UBR3: variants seen among roughly 807,000 people sequenced by gnomAD.
UBR3 encodes E3 ubiquitin-protein ligase UBR3.
Under a neutral mutation model 243.2 loss-of-function variants are expected in UBR3, and 85 were observed. The observed-to-expected ratio is 0.35, with a 90% confidence interval of 0.29 to 0.42. The LOEUF (loss-of-function observed/expected upper bound fraction) is 0.42. Among genes scored for constraint, UBR3 ranks in the 10% least tolerant of loss-of-function variants. UBR3 has a pLI of 1.00. For synonymous variants in UBR3, 748 were observed against 799.8 expected (o/e 0.94, Z 1.09); for missense variants, 1,686 against 2,300.8 (o/e 0.73, Z 5.47).
chr2:170,017,775 G>A (rs1005008930), intron 30 of UBR3, among the ~76,000 whole-genome samples: 1 of 152,088 alleles, frequency 6.6e-6, no homozygotes, highest in Non-Finnish European at 1.5e-5. Flanking sequence ...ACGTGTCTGG[G>A]AAATTTTCCA....
intron 24 of UBR3, among the ~76,000 whole-genome samples, chr2:169,976,247 T>TTCTTCCTC (rs779825228): frequency 2.6e-5 from 4 of 152,132 alleles, no homozygotes; most frequent in Non-Finnish European, 4.4e-5. Flanking sequence ...CTTTGTTCCT[T>TTCTTCCTC]TCTTCCTCTC....
At chr2:169,883,986 C>T (rs1401513174) in intron 5 of UBR3, among the ~76,000 whole-genome samples, 4 of 151,970 alleles carry the variant, frequency 2.6e-5, no homozygotes, top group Non-Finnish European at 5.9e-5. Flanking sequence ...GCGCGTGCCA[C>T]CACACCCAGC....
chr2:170,030,092 A>T (rs1461645946), intron 31 of UBR3, among the ~76,000 whole-genome samples: 1 of 152,050 alleles, frequency 6.6e-6, no homozygotes, highest in Non-Finnish European at 1.5e-5. Flanking sequence ...TGGATTTTAT[A>T]TATATTTGAT....
rs2081780450 is a variant in UBR3, at chr2:169,827,559, G to A, written c.52G>A (p.Glu18Lys). Residue 18 changes from glutamate to lysine, a missense_variant, in exon 1 of 39, where the codon GAG becomes AAG. By Grantham distance (56) the Glu-to-Lys change is moderately conservative (BLOSUM62 1). Coordinates refer to ENST00000272793, the MANE Select transcript of UBR3 (RefSeq NM_172070.4). ...CGGGGGCCAGCAGCCGTCACAGCCCGAGCTGCCCGCGCCGGGGCTGGCCCT... is the reference window on the plus strand; with the variant it reads ...CGGGGGCCAGCAGCCGTCACAGCCCAAGCTGCCCGCGCCGGGGCTGGCCCT... ...AVGGQQPSQP[E>K]LPAPGLALDK... 1 of 1,235,666 alleles carries A rather than the reference G, an allele frequency of 8.1e-7. No individual in the cohort carries two copies. Among genetic ancestry groups the A allele is most frequent in the African/African-American group, 1.6e-5 (1 of 64,020 alleles). 76.5% of individuals were successfully genotyped at this position (1,235,666 alleles called of 1,614,324 possible).
chr2:169,896,117 A>G (rs2084578427), intron 7 of UBR3, among the ~76,000 whole-genome samples: 1 of 152,142 alleles, frequency 6.6e-6, no homozygotes, highest in South Asian at 2.1e-4. Context: ...GCCAAACCCC[A>G]TCTCTACTGA....
At chr2:170,058,463 T>G (rs901502423) in intron 33 of UBR3, among the ~76,000 whole-genome samples, 1 of 151,822 alleles carries the variant, frequency 6.6e-6, no homozygotes, top group African/African-American at 2.4e-5. Context: ...CTTTTCTTTT[T>G]TCTTTTTCTT....
chr2:170,004,663 C>G (rs532395934), intron 27 of UBR3, among the ~76,000 whole-genome samples: 1 of 152,108 alleles, frequency 6.6e-6, no homozygotes, highest in Non-Finnish European at 1.5e-5. Flanking sequence ...ATAATTTCAG[C>G]ACTTTGGGAG....
chr2:170,073,292 C>T, intron 35 of UBR3, 136 bp from the exon 36 acceptor site: 1 of 892,982 alleles, frequency 1.1e-6, no homozygotes, highest in Non-Finnish European at 1.7e-6. Flanking sequence ...TCTCTTACTC[C>T]CTTCACTTTT....
chr2:170,025,014 G>T (rs1416543552), intron 30 of UBR3, among the ~76,000 whole-genome samples: 1 of 152,092 alleles, frequency 6.6e-6, no homozygotes, highest in Admixed American at 6.6e-5. Flanking sequence ...CTGCTTCTTG[G>T]TAACTGAACC....
intron 1 of UBR3, among the ~76,000 whole-genome samples, chr2:169,850,868 A>G: frequency 6.6e-6 from 1 of 152,074 alleles, no homozygotes; most frequent in East Asian, 1.9e-4. Context: ...GTTGAATTTT[A>G]AAGGGCTAAG....
intron 1 of UBR3, among the ~76,000 whole-genome samples, chr2:169,830,713 T>C (rs1231799536): frequency 6.6e-6 from 1 of 152,156 alleles, no homozygotes; most frequent in African/African-American, 2.4e-5. Flanking sequence ...TTTTTAAACT[T>C]TTTTTGTTTG....
At chr2:170,078,263 C>A in intron 36 of UBR3, 1 of 413,048 alleles carries the variant, frequency 2.4e-6, no homozygotes. Flanking sequence ...ATGGCATTTA[C>A]AGTGTAATTC....
At chr2:169,863,843 G>A (rs1458730860) in intron 1 of UBR3, among the ~76,000 whole-genome samples, 1 of 152,012 alleles carries the variant, frequency 6.6e-6, no homozygotes, top group East Asian at 1.9e-4. Flanking sequence ...GGCGGAATTG[G>A]TACAATCTAA....
At chr2:169,937,954 G>T (rs1390731363) in intron 19 of UBR3, among the ~76,000 whole-genome samples, 1 of 152,152 alleles carries the variant, frequency 6.6e-6, no homozygotes, top group East Asian at 1.9e-4. Flanking sequence ...GAGAGACAAG[G>T]CCTAGGGACT....
Position 169,857,072 on chromosome 2 carries a change from T to TTTG in UBR3, c.546-15162_546-15161insGTT, listed in dbSNP as rs1194542846. On this transcript the variant is annotated intron_variant, in intron 1 of 38. Coordinates refer to ENST00000272793, the MANE Select transcript of UBR3 (RefSeq NM_172070.4). Reference sequence around the variant, plus strand: ...CAGCATAATTTTATTATGTTTTTTTTTTTTTTTTTTTTTTTTTTTGAGACG... The same window carrying TTTG: ...CAGCATAATTTTATTATGTTTTTTTTTTGTTTTTTTTTTTTTTTTTTTGAGACG... 1.6e-3 allele frequency among the ~76,000 whole-genome samples: 193 copies of TTTG among 120,278 alleles called. 6 individuals carry two copies. The highest frequency in any genetic ancestry group is 3.5e-3 in the African/African-American group (112 of 31,926). The allele number at this position is 120,278 out of a possible 152,430, so 78.9% of individuals were successfully genotyped here. A position where few individuals can be genotyped will look rare whatever the true frequency, so the allele number is the denominator to read the frequency against.
chr2:169,935,515 AT>A (rs2086292877), intron 19 of UBR3, among the ~76,000 whole-genome samples: 1 of 152,208 alleles, frequency 6.6e-6, no homozygotes, highest in Non-Finnish European at 1.5e-5. Context: ...GAGCTAGGCC[AT>A]TTCCAAAGAT....
At chr2:170,056,652 C>CT (rs1402366618) in intron 33 of UBR3, among the ~76,000 whole-genome samples, 3 of 152,078 alleles carry the variant, frequency 2.0e-5, no homozygotes, top group African/African-American at 4.8e-5. Flanking sequence ...GTCATTAAAA[C>CT]TTTTTTTGTT....
chr2:169,888,374 G>A (rs2084195217), intron 5 of UBR3, among the ~76,000 whole-genome samples: 2 of 151,790 alleles, frequency 1.3e-5, no homozygotes, highest in African/African-American at 4.8e-5. Context: ...CCTGACCTCA[G>A]GTGATCCACC....
At chr2:170,059,315 T>A (rs1263755580) in intron 33 of UBR3, among the ~76,000 whole-genome samples, 2 of 152,204 alleles carry the variant, frequency 1.3e-5, no homozygotes, top group Non-Finnish European at 2.9e-5. Flanking sequence ...ACTTAGCTGA[T>A]CTGAACAGAA....
Sources: gnomAD v4.1 joint callset for allele counts (sites outside exome capture counted in the v4.1 genomes callset) on GRCh38, gnomAD v4.1.1 for gene constraint, MANE v1.5 for transcripts, NCBI Gene and HGNC (gene_info 2026-07-23, HGNC 2026-07-21) for gene names.